The following SNIP1 variants were observed in gnomAD, a reference collection of about 807,000 sequenced individuals.
SNIP1 encodes Smad nuclear interacting protein 1, also known as smad nuclear-interacting protein 1.
A neutral mutation model predicts 37.4 loss-of-function variants in SNIP1; 23 were observed. That is an observed-to-expected ratio of 0.61 (90% CI 0.44 to 0.87). The LOEUF (loss-of-function observed/expected upper bound fraction) is 0.87. Among genes scored for constraint, SNIP1 ranks in the 40% least tolerant of loss-of-function variants. The pLI is 0.00. For synonymous variants in SNIP1, 174 were observed against 200.0 expected, an observed-to-expected ratio of 0.87 and a Z score of 1.10; for missense variants, 459 against 540.4, an observed-to-expected ratio of 0.85 and a Z score of 1.49.
chr1:37,553,196 T>C (rs904617700), intron 1 of SNIP1, among the ~76,000 whole-genome samples: 4 of 152,166 alleles, frequency 2.6e-5, no homozygotes, highest in Non-Finnish European at 5.9e-5. Flanking sequence ...ACTGGCTTTT[T>C]CCCATTTCAA....
chr1:37,538,279 C>T (rs575361021), intron 3 of SNIP1, among the ~76,000 whole-genome samples: 42 of 152,108 alleles, frequency 2.8e-4, no homozygotes, highest in Non-Finnish European at 4.4e-4. Flanking sequence ...GAGGCCGAGA[C>T]GGGCGGATCA....
chr1:37,552,774 T>A (rs752997752), intron 1 of SNIP1, 27 bp from the exon 2 acceptor site: 2 of 1,579,688 alleles, frequency 1.3e-6, no homozygotes, highest in Non-Finnish European at 1.7e-6. Flanking sequence ...ACACAGGATT[T>A]TATCGCAATT....
intron 2 of SNIP1, among the ~76,000 whole-genome samples, chr1:37,546,494 T>C (rs2148115558): frequency 6.6e-6 from 1 of 152,116 alleles, no homozygotes; most frequent in Admixed American, 6.5e-5. Context: ...GCCAACATGG[T>C]GAAATCCCAT....
Position 37,537,562 on chromosome 1 carries a change from TAACA to T in SNIP1, c.*182_*185del. On this transcript the variant is annotated 3_prime_UTR_variant, in exon 4 of 4. Transcript: ENST00000296215. ...TGGCCAAGGTGCCACAGAAAAAGTT[TAACA>T]AACATTAGTCAGTGTATTCAAATGG... 1 of 625,862 alleles carries T rather than the reference TAACA, an allele frequency of 1.6e-6. No homozygotes were observed. Among genetic ancestry groups the T allele is most frequent in the Non-Finnish European group, 2.7e-6 (1 of 376,302 alleles). 38.8% of individuals were successfully genotyped at this position (625,862 alleles called of 1,614,324 possible). A position where few individuals can be genotyped will look rare whatever the true frequency, so the allele number is the denominator to read the frequency against.
chr1:37,544,397 G>A lies in SNIP1; in HGVS notation c.328-3642C>T, dbSNP rs191209476. ...GAGGGCGGAGGTTGCAGTGAGCCGA[G>A]ATCACGCCACTGCACTCCAGCCTGG... On this transcript the variant is annotated intron_variant, in intron 2 of 3. Coordinates refer to ENST00000296215, the MANE Select transcript of SNIP1 (RefSeq NM_024700.4). Among the ~76,000 whole-genome samples, 487 of 137,710 alleles carry A rather than the reference G, an allele frequency of 3.5e-3. 3 individuals are homozygous for A. The highest frequency in any genetic ancestry group is 0.013 in the African/African-American group (467 of 37,162). The allele number at this position is 137,710 out of a possible 152,430, so 90.3% of individuals were successfully genotyped here. A position where few individuals can be genotyped will look rare whatever the true frequency, so the allele number is the denominator to read the frequency against.
At chr1:37,553,984 C>T (rs1383396042) in intron 1 of SNIP1, 22 bp downstream of exon 1, 1 of 1,550,790 alleles carries the variant, frequency 6.4e-7, no homozygotes, top group East Asian at 2.4e-5. Flanking sequence ...CAATGTCCAT[C>T]CTGGACTGCT....
At chr1:37,546,149 C>G (rs745764851) in intron 2 of SNIP1, among the ~76,000 whole-genome samples, 1 of 44,560 alleles carries the variant, frequency 2.2e-5, no homozygotes, top group African/African-American at 4.7e-5. Flanking sequence ...ACTAAGACCC[C>G]CCCCCCCCCC....
chr1:37,547,706 C>G (rs1267092104), intron 2 of SNIP1, among the ~76,000 whole-genome samples: 1 of 152,000 alleles, frequency 6.6e-6, no homozygotes, highest in East Asian at 1.9e-4. Context: ...TGCACTCTAG[C>G]CTGGGCAACA....
intron 2 of SNIP1, among the ~76,000 whole-genome samples, chr1:37,547,669 G>A (rs1002450805): frequency 6.6e-6 from 1 of 151,968 alleles, no homozygotes; most frequent in African/African-American, 2.4e-5. Context: ...AGGAGGCAAA[G>A]ATTGCAGTGA....
chr1:37,546,591 T>G (rs147642925), intron 2 of SNIP1, among the ~76,000 whole-genome samples: 1 of 152,026 alleles, frequency 6.6e-6, no homozygotes, highest in Non-Finnish European at 1.5e-5. Flanking sequence ...GAAGAATCAC[T>G]TGAACGCCAG....
chr1:37,544,018 T>C (rs1323828623), intron 2 of SNIP1, among the ~76,000 whole-genome samples: 1 of 151,812 alleles, frequency 6.6e-6, no homozygotes, highest in Non-Finnish European at 1.5e-5. Flanking sequence ...TGGTAGCGCA[T>C]GCCTGTAATC....
intron 2 of SNIP1, chr1:37,544,770 C>T: frequency 1.4e-6 from 1 of 714,950 alleles, no homozygotes. Context: ...ACCATGACGA[C>T]TGCGCGTCCC....
chr1:37,545,162 A>T, intron 2 of SNIP1: 1 of 716,276 alleles, frequency 1.4e-6, no homozygotes, highest in Admixed American at 1.7e-5. Flanking sequence ...GAAACACATT[A>T]CCTGAATGAG....
In SNIP1 at chr1:37,552,760, T is replaced by C. The variant is rs1170177990; in HGVS notation, c.225-13A>G. 6.2e-7 allele frequency: 1 copy of C among 1,606,832 alleles called. No individual in the cohort carries two copies. Among genetic ancestry groups the C allele is most frequent in the Non-Finnish European group, 8.5e-7 (1 of 1,173,362 alleles). On this transcript the variant is annotated splice_polypyrimidine_tract_variant and intron_variant, in intron 1 of 3. Coordinates refer to ENST00000296215, the MANE Select transcript of SNIP1 (RefSeq NM_024700.4). ...TTTGGGTGGGGACCTATTCAGAGCA[T>C]GGTACACAGGATTTTATCGCAATTT...
At chr1:37,543,473 A>T (rs1643195490) in intron 2 of SNIP1, among the ~76,000 whole-genome samples, 2 of 152,210 alleles carry the variant, frequency 1.3e-5, no homozygotes. Flanking sequence ...CTATTCATAC[A>T]AAGGAATACT....
intron 1 of SNIP1, among the ~76,000 whole-genome samples, chr1:37,553,438 A>G (rs1643326225): frequency 6.6e-6 from 1 of 152,228 alleles, no homozygotes; most frequent in East Asian, 1.9e-4. Flanking sequence ...TCTCAGGGTT[A>G]GAGCATAGCC....
At position 37,552,645 on chromosome 1, in the gene SNIP1, C is replaced by T. The variant is rs1282412646; in HGVS notation, c.327G>A (p.Gln109=). The change falls in exon 2 of 4, where the codon CAG becomes CAA. Residue 109 remains glutamine, a splice_region_variant and synonymous_variant. Transcript: ENST00000296215. ...CATCAAAACACCCCAATCCACTTAC[C>T]TGCTTCACTTTGACTGTTGAGTGGT... is the stretch of plus-strand genomic sequence containing the variant. ...SPHHSTVKVK[Q]EREDHPRRGR... 2 of 1,613,770 alleles carry T rather than the reference C, an allele frequency of 1.2e-6. No homozygotes were observed. Among genetic ancestry groups the T allele is most frequent in the African/African-American group, 2.7e-5 (2 of 74,910 alleles).
In SNIP1 at chr1:37,554,252, A is replaced by T; in HGVS notation, c.-23T>A. The T allele has an allele frequency of 1.9e-6, 3 of 1,578,236 alleles. No individual in the cohort carries two copies. Among genetic ancestry groups the T allele is most frequent in the Non-Finnish European group, 2.6e-6 (3 of 1,159,452 alleles). ...CATTCTGTGATTTTGGCTGGGCGAA[A>T]GAAAACAGATCAGTTGAGCTCCTCT... On this transcript the variant is annotated 5_prime_UTR_variant, in exon 1 of 4. Coordinates refer to ENST00000296215, the MANE Select transcript of SNIP1 (RefSeq NM_024700.4).
At chr1:37,539,586 T>G (rs1347709962) in intron 3 of SNIP1, among the ~76,000 whole-genome samples, 4 of 152,202 alleles carry the variant, frequency 2.6e-5, no homozygotes, top group Non-Finnish European at 4.4e-5. Flanking sequence ...GGTGTGTGCC[T>G]GTACTCTCAG....
Sources: gnomAD v4.1 joint callset for allele counts (sites outside exome capture counted in the v4.1 genomes callset) on GRCh38, gnomAD v4.1.1 for gene constraint, MANE v1.5 for transcripts, NCBI Gene and HGNC (gene_info 2026-07-23, HGNC 2026-07-21) for gene names.